PRUNE2: variants seen among roughly 807,000 people sequenced by gnomAD.
The protein encoded by PRUNE2 is prune homolog 2 with BCH domain, also known as protein prune homolog 2.
A neutral mutation model predicts 252.0 loss-of-function variants in PRUNE2; 164 were observed. The ratio of observed to expected loss-of-function variants is 0.65; its 90% CI spans 0.57 to 0.74. The LOEUF (loss-of-function observed/expected upper bound fraction) is 0.74, where lower values mean the gene tolerates loss of function less well. Among genes scored for constraint, PRUNE2 ranks in the 30% least tolerant of loss-of-function variants. PRUNE2 has a pLI of 0.00. For synonymous variants in PRUNE2, 1,292 were observed against 1,350.2 expected, an observed-to-expected ratio of 0.96 and a Z score of 0.94; for missense variants, 3,495 against 3,711.0, an observed-to-expected ratio of 0.94 and a Z score of 1.51.
At chr9:76,826,536 C>A in intron 5 of PRUNE2, 44 bp downstream of exon 5, 1 of 1,435,196 alleles carries the variant, frequency 7.0e-7, no homozygotes, top group Non-Finnish European at 9.4e-7. Context: ...CACAAACCAT[C>A]CCTACTCGGG....
At position 76,652,496 on chromosome 9, in the gene PRUNE2, C is replaced by T. The variant is rs1847797701; in HGVS notation, c.8544G>A (p.Glu2848=). ...LDTPDEADSF[E]YTGHDPTANK... ...TTAGTGACTTACCATGGCCAGTGTACTCAAAAGAATCTGCTTCATCGGGGG... is the reference window on the plus strand; with the variant it reads ...TTAGTGACTTACCATGGCCAGTGTATTCAAAAGAATCTGCTTCATCGGGGG... Residue 2848 remains glutamate (E), a synonymous_variant, in exon 11 of 19, where the codon GAG becomes GAA. Transcript: ENST00000376718. 1 of 1,612,716 alleles carries T rather than the reference C, an allele frequency of 6.2e-7. No homozygotes were observed. The highest frequency in any genetic ancestry group is 8.5e-7 in the Non-Finnish European group (1 of 1,178,942).
rs7868812 is a variant in PRUNE2, at chr9:76,694,354, T to C, written c.8276+8983A>G. Among the ~76,000 whole-genome samples the C allele has an allele frequency of 4.6e-3, 704 of 152,232 alleles. 5 individuals carry two copies. The highest frequency in any genetic ancestry group is 0.016 in the African/African-American group (658 of 41,538). ...TGTGTCACCATGCCCAACTAATTTT[T>C]GTATTTTTAGTAGAGACAGGGTTTC... is the stretch of plus-strand genomic sequence containing the variant. On this transcript the variant is annotated intron_variant, in intron 9 of 18. Coordinates refer to ENST00000376718, the MANE Select transcript of PRUNE2 (RefSeq NM_015225.3).
intron 6 of PRUNE2, chr9:76,817,676 AGGAT>A (rs759294226): frequency 8.5e-5 from 13 of 152,276 alleles, no homozygotes; most frequent in Non-Finnish European, 1.8e-4. Flanking sequence ...AACACCAAAT[AGGAT>A]TGCTACATGA....
intron 7 of PRUNE2, among the ~76,000 whole-genome samples, chr9:76,711,915 G>A (rs988725710): frequency 6.6e-6 from 1 of 152,158 alleles, no homozygotes; most frequent in Non-Finnish European, 1.5e-5. Context: ...GGTAACGGAG[G>A]CATGGAGCCC....
chr9:76,808,296 T>C (rs867639106), intron 6 of PRUNE2, among the ~76,000 whole-genome samples: 3 of 152,248 alleles, frequency 2.0e-5, no homozygotes, highest in Admixed American at 1.3e-4. Flanking sequence ...CAAAAAGGAC[T>C]GTTGACTTGG....
intron 9 of PRUNE2, among the ~76,000 whole-genome samples, chr9:76,693,309 G>A (rs1322247473): frequency 6.6e-6 from 1 of 150,410 alleles, no homozygotes; most frequent in African/African-American, 2.5e-5. Context: ...GTGAGGAGGG[G>A]ACCATGGCAG....
At chr9:76,768,834 G>C (rs1231094339) in intron 6 of PRUNE2, among the ~76,000 whole-genome samples, 1 of 152,024 alleles carries the variant, frequency 6.6e-6, no homozygotes, top group Non-Finnish European at 1.5e-5. Context: ...TGGATTCTAT[G>C]CTACATTAAA....
At chr9:76,809,219 G>A (rs1171175560) in intron 6 of PRUNE2, among the ~76,000 whole-genome samples, 1 of 152,150 alleles carries the variant, frequency 6.6e-6, no homozygotes, top group Non-Finnish European at 1.5e-5. Flanking sequence ...GCCCATTAGA[G>A]CCAATTATAA....
chr9:76,853,688 G>A (rs909817269), intron 2 of PRUNE2, among the ~76,000 whole-genome samples: 2 of 152,214 alleles, frequency 1.3e-5, no homozygotes, highest in Non-Finnish European at 2.9e-5. Flanking sequence ...TGCCATTTAT[G>A]TACTGTTCAC....
intron 1 of PRUNE2, among the ~76,000 whole-genome samples, chr9:76,854,636 T>G (rs556361092): frequency 1.3e-5 from 2 of 152,310 alleles, no homozygotes; most frequent in South Asian, 4.1e-4. Flanking sequence ...ACACAGAGTT[T>G]GGTAAGGATT....
At chr9:76,738,749 A>G (rs1312380166) in intron 6 of PRUNE2, 2 of 152,252 alleles carry the variant, frequency 1.3e-5, no homozygotes, top group Non-Finnish European at 2.9e-5. Context: ...GCTCAGAGAC[A>G]TCATGGCTTT....
intron 6 of PRUNE2, among the ~76,000 whole-genome samples, chr9:76,750,535 A>G (rs1486028517): frequency 6.6e-6 from 1 of 152,234 alleles, no homozygotes; most frequent in Non-Finnish European, 1.5e-5. Flanking sequence ...TCAGGGCCAC[A>G]GCTTGCAGGG....
At chr9:76,780,388 C>A (rs981270702) in intron 6 of PRUNE2, among the ~76,000 whole-genome samples, 1 of 152,024 alleles carries the variant, frequency 6.6e-6, no homozygotes, top group African/African-American at 2.4e-5. Flanking sequence ...ATCCAAGATT[C>A]ATTTAAAACC....
intron 1 of PRUNE2, among the ~76,000 whole-genome samples, chr9:76,866,798 A>C (rs2060867757): frequency 6.6e-6 from 1 of 151,896 alleles, no homozygotes. Context: ...GCGAGAGAGA[A>C]TGGAAGGAAG....
intron 4 of PRUNE2, among the ~76,000 whole-genome samples, chr9:76,834,007 C>T (rs182802156): frequency 6.6e-6 from 1 of 151,376 alleles, no homozygotes; most frequent in East Asian, 2.0e-4. Flanking sequence ...CTCAGCCTCC[C>T]GAGTAGCTAG....
intron 5 of PRUNE2, among the ~76,000 whole-genome samples, chr9:76,826,111 G>A (rs1279349134): frequency 6.6e-6 from 1 of 152,168 alleles, no homozygotes; most frequent in African/African-American, 2.4e-5. Flanking sequence ...ATTTGCAGGG[G>A]AGTCAACATT....
At chr9:76,785,742 T>A (rs2131303261) in intron 6 of PRUNE2, 1 of 152,016 alleles carries the variant, frequency 6.6e-6, no homozygotes, top group East Asian at 1.9e-4. Flanking sequence ...TCTGTGTGTG[T>A]GTGTGTGTGT....
chr9:76,706,914 C>A lies in PRUNE2; in HGVS notation c.5360G>T (p.Arg1787Ile). ...TGTTGTCCCTGTTTCTGGAGAAGAT[C>A]TCTTCTCCTTCTCCACTGCTGTAAT... The part of the protein sequence containing the change: ...MQITAVEKEK[R>I]SSPETGTTGD... Residue 1787 changes from arginine (R) to isoleucine (I), a missense_variant, in exon 8 of 19, where the codon AGA becomes ATA. Coordinates refer to ENST00000376718, the MANE Select transcript of PRUNE2 (RefSeq NM_015225.3). The A allele has an allele frequency of 6.2e-7, 1 of 1,603,118 alleles. No individual in the cohort carries two copies. The highest frequency in any genetic ancestry group is 8.5e-7 in the Non-Finnish European group (1 of 1,173,800).
At chr9:76,895,815 G>A (rs571762136) in intron 1 of PRUNE2, among the ~76,000 whole-genome samples, 20 of 152,164 alleles carry the variant, frequency 1.3e-4, no homozygotes, top group African/African-American at 3.9e-4. Context: ...ACAGAGTCTA[G>A]CTCTGTCACC....
Sources: allele counts gnomAD v4.1 joint callset (sites outside exome capture counted in the v4.1 genomes callset), GRCh38; gene constraint gnomAD v4.1.1; transcripts MANE v1.5; gene names NCBI Gene and HGNC (gene_info 2026-07-23, HGNC 2026-07-21).